ERBB4: variants seen among roughly 807,000 people sequenced by gnomAD.
ERBB4 encodes the protein erb-b2 receptor tyrosine kinase 4.
A neutral mutation model predicts 158.0 loss-of-function variants in ERBB4; 42 were observed. That is an observed-to-expected ratio of 0.27 (90% CI 0.21 to 0.34). The LOEUF is 0.34. Ranked by LOEUF, ERBB4 falls within the 10% of genes least tolerant of loss-of-function variation. The pLI is 1.00. For missense variants in ERBB4, 1,333 were observed against 1,624.1 expected (o/e 0.82, Z 3.08); for synonymous variants, 583 against 558.7 (o/e 1.04, Z -0.61).
intron 1 of ERBB4, among the ~76,000 whole-genome samples, chr2:212,278,026 G>A (rs1421815987): frequency 8.6e-5 from 13 of 151,358 alleles, no homozygotes; most frequent in Admixed American, 6.6e-4. Flanking sequence ...ATTCATTATC[G>A]ATTGTTGATT....
At chr2:211,734,071 A>T (rs1177434065) in intron 5 of ERBB4, among the ~76,000 whole-genome samples, 1 of 152,136 alleles carries the variant, frequency 6.6e-6, no homozygotes, top group Non-Finnish European at 1.5e-5. Context: ...AAATATTTAA[A>T]AATTTTGTCT....
chr2:212,245,276 G>A (rs560151858), intron 1 of ERBB4, among the ~76,000 whole-genome samples: 1 of 152,192 alleles, frequency 6.6e-6, no homozygotes, highest in Admixed American at 6.5e-5. Flanking sequence ...TTTTGAATGT[G>A]GATGTATATG....
At position 211,383,557 on chromosome 2, in the gene ERBB4, A is replaced by G. The variant is rs754085218; in HGVS notation, c.*58T>C. 8 of 1,417,646 alleles carry G rather than the reference A, an allele frequency of 5.6e-6. No individual in the cohort carries two copies. The highest frequency in any genetic ancestry group is 8.0e-6 in the Non-Finnish European group (8 of 1,004,170). The allele number at this position is 1,417,646 out of a possible 1,614,324, so 87.8% of individuals were successfully genotyped here. On this transcript the variant is annotated 3_prime_UTR_variant, in exon 28 of 28. Coordinates refer to ENST00000342788, the MANE Select transcript of ERBB4 (RefSeq NM_005235.3). ...AGAAGGAAGACCACCAGAGAAAGAGAGGGGGGTGGGGAAATTGGAGCAGGT... is the reference window on the plus strand; with the variant it reads ...AGAAGGAAGACCACCAGAGAAAGAGGGGGGGGTGGGGAAATTGGAGCAGGT...
chr2:211,861,233 T>C (rs1161357124), intron 3 of ERBB4, among the ~76,000 whole-genome samples: 7 of 133,832 alleles, frequency 5.2e-5, no homozygotes, highest in African/African-American at 2.0e-4. Context: ...GGTGTGATTA[T>C]GGCTCACTGC....
intron 2 of ERBB4, among the ~76,000 whole-genome samples, chr2:211,955,121 C>A (rs765925072): frequency 2.0e-5 from 3 of 151,978 alleles, no homozygotes; most frequent in Non-Finnish European, 4.4e-5. Flanking sequence ...TTACATACTG[C>A]GTGAAATAAT....
chr2:211,430,396 T>C (rs1313711021), intron 21 of ERBB4, among the ~76,000 whole-genome samples: 8 of 152,056 alleles, frequency 5.3e-5, no homozygotes. Flanking sequence ...AAGGCATGGA[T>C]TGAAACCATA....
chr2:212,033,015 G>T (rs1464367483), intron 2 of ERBB4, among the ~76,000 whole-genome samples: 1 of 151,870 alleles, frequency 6.6e-6, no homozygotes, highest in Non-Finnish European at 1.5e-5. Flanking sequence ...TGTGAGAGTT[G>T]ATAGGAAACT....
chr2:211,951,474 T>C (rs1028964211), intron 2 of ERBB4, among the ~76,000 whole-genome samples: 15 of 152,126 alleles, frequency 9.9e-5, no homozygotes, highest in Non-Finnish European at 4.4e-5. Context: ...AAGAGGATGC[T>C]CCAAGTGCTC....
intron 3 of ERBB4, among the ~76,000 whole-genome samples, chr2:211,868,638 G>A (rs927726327): frequency 1.3e-5 from 2 of 152,120 alleles, no homozygotes; most frequent in Non-Finnish European, 2.9e-5. Context: ...CAACTGTTGG[G>A]TTGTTCTTTG....
At chr2:211,500,937 G>T (rs892717279) in intron 20 of ERBB4, among the ~76,000 whole-genome samples, 1 of 151,898 alleles carries the variant, frequency 6.6e-6, no homozygotes, top group East Asian at 1.9e-4. Flanking sequence ...ATTTCAAAAA[G>T]AAACATTTTT....
chr2:211,987,275 C>T (rs143471745), intron 2 of ERBB4, among the ~76,000 whole-genome samples: 2,437 of 136,016 alleles, frequency 0.018, 103 homozygotes, highest in East Asian at 0.13. Flanking sequence ...GAGCCGAGAT[C>T]GTGCCACTAT....
chr2:212,465,804 T>C (rs897677218), intron 1 of ERBB4, among the ~76,000 whole-genome samples: 1 of 152,206 alleles, frequency 6.6e-6, no homozygotes, highest in East Asian at 1.9e-4. Context: ...TTTATTGTCC[T>C]CTTTTCCCCA....
chr2:211,761,055 C>T (rs1355448293), intron 4 of ERBB4, among the ~76,000 whole-genome samples: 8 of 151,810 alleles, frequency 5.3e-5, no homozygotes, highest in South Asian at 2.1e-4. Context: ...ATTAACTGGG[C>T]GTGGTGGCGC....
intron 19 of ERBB4, among the ~76,000 whole-genome samples, chr2:211,591,648 T>G (rs2068468241): frequency 6.6e-6 from 1 of 152,216 alleles, no homozygotes; most frequent in African/African-American, 2.4e-5. Flanking sequence ...TAGCACTAAC[T>G]GCACTAGTGG....
chr2:211,577,824 A>T (rs1280408381), intron 19 of ERBB4, among the ~76,000 whole-genome samples: 15 of 152,180 alleles, frequency 9.9e-5, no homozygotes, highest in Non-Finnish European at 1.8e-4. Context: ...AAATAATAAG[A>T]GACATTTATG....
chr2:212,227,826 A>T (rs1030095233), intron 1 of ERBB4, among the ~76,000 whole-genome samples: 2 of 142,744 alleles, frequency 1.4e-5, no homozygotes, highest in African/African-American at 5.7e-5. Context: ...GTCCAGTATA[A>T]AAAAAAAAAG....
At chr2:211,623,586 G>A (rs1455425934) in intron 18 of ERBB4, among the ~76,000 whole-genome samples, 1 of 152,110 alleles carries the variant, frequency 6.6e-6, no homozygotes, top group Non-Finnish European at 1.5e-5. Flanking sequence ...CACTGTGTAG[G>A]GGTAATGGCA....
At chr2:211,969,349 G>A (rs2081390078) in intron 2 of ERBB4, among the ~76,000 whole-genome samples, 1 of 151,994 alleles carries the variant, frequency 6.6e-6, no homozygotes, top group African/African-American at 2.4e-5. Context: ...AACGTTCCAA[G>A]TTCTTCAATG....
intron 1 of ERBB4, among the ~76,000 whole-genome samples, chr2:212,262,949 C>T (rs1196016741): frequency 6.6e-6 from 1 of 151,930 alleles, no homozygotes. Context: ...GAAGATTGTC[C>T]CCTCAAATTC....
Sources: allele counts gnomAD v4.1 joint callset (sites outside exome capture counted in the v4.1 genomes callset), GRCh38; gene constraint gnomAD v4.1.1; transcripts MANE v1.5; gene names NCBI Gene and HGNC (gene_info 2026-07-23, HGNC 2026-07-21).